The following GRID2 variants were observed in gnomAD, a reference collection of about 807,000 sequenced individuals.
The protein encoded by GRID2 is glutamate ionotropic receptor delta type subunit 2, also known as glutamate receptor ionotropic, delta-2.
GRID2 carries 33 observed loss-of-function variants against 114.8 expected under a neutral mutation model. The ratio of observed to expected loss-of-function variants is 0.29; its 90% CI spans 0.22 to 0.38. The LOEUF (loss-of-function observed/expected upper bound fraction) is 0.38, where lower values mean the gene tolerates loss of function less well. Ranked by LOEUF, GRID2 falls within the 10% of genes least tolerant of loss-of-function variation. The pLI, the probability that GRID2 is intolerant of heterozygous loss-of-function variation, is 1.00. For synonymous variants in GRID2, 505 were observed against 449.9 expected (o/e 1.12, Z -1.55); for missense variants, 1,184 against 1,257.7 (o/e 0.94, Z 0.89).
chr4:92,888,306 T>G (rs72665206), intron 2 of GRID2, among the ~76,000 whole-genome samples: 3 of 152,088 alleles, frequency 2.0e-5, no homozygotes, highest in Non-Finnish European at 2.9e-5. Context: ...AAGAGGTTTT[T>G]GGGGGGTAGT....
rs780930579 is a variant in GRID2 at position 92,687,673 on chromosome 4, C to CA, written c.244+97393dup. On this transcript the variant is annotated intron_variant, in intron 2 of 15. Coordinates refer to ENST00000282020, the MANE Select transcript of GRID2 (RefSeq NM_001510.4). Reference sequence around the variant, plus strand: ...TGAAACCCCATCTCTACTAAAAATACAAAAAATTAGCTGGGCGTTGTGGCC... The same window carrying CA: ...TGAAACCCCATCTCTACTAAAAATACAAAAAAATTAGCTGGGCGTTGTGGCC... Among the ~76,000 whole-genome samples, 114 of 151,962 alleles carry CA rather than the reference C, an allele frequency of 7.5e-4. 1 individual carries two copies. Among genetic ancestry groups the CA allele is most frequent in the Admixed American group, 1.3e-3 (20 of 15,250 alleles).
chr4:93,173,619 T>C (rs1579192125), intron 4 of GRID2, among the ~76,000 whole-genome samples: 1 of 152,256 alleles, frequency 6.6e-6, no homozygotes, highest in Admixed American at 6.5e-5. Flanking sequence ...CATAAAATTG[T>C]CCTTGTTAGT....
intron 2 of GRID2, among the ~76,000 whole-genome samples, chr4:93,067,285 T>A (rs1288741456): frequency 6.6e-6 from 1 of 152,058 alleles, no homozygotes; most frequent in Non-Finnish European, 1.5e-5. Context: ...CCTTATCATC[T>A]TAGTTAATTC....
intron 10 of GRID2, 22 bp from the exon 11 acceptor site, chr4:93,455,640 C>A (rs373188556): frequency 6.5e-7 from 1 of 1,547,504 alleles, no homozygotes; most frequent in Non-Finnish European, 8.9e-7. Flanking sequence ...TTAATGTATT[C>A]CTTTCTCTTT....
Position 93,588,862 on chromosome 4 carries a change from G to C in GRID2, c.2194-37407G>C, listed in dbSNP as rs1300332342. 5.3e-5 allele frequency among the ~76,000 whole-genome samples: 8 copies of C among 152,158 alleles called. No homozygotes were observed. The East Asian group carries it at 1.4e-3, about 26-fold the overall frequency. ...CAGAACATTTGACAACACTGGACCT[G>C]CTTTCCAGCTATACAACAAGCAGCA... On this transcript the variant is annotated intron_variant, in intron 13 of 15. Transcript: ENST00000282020.
At chr4:92,427,023 T>G (rs1732194235) in intron 1 of GRID2, among the ~76,000 whole-genome samples, 1 of 152,136 alleles carries the variant, frequency 6.6e-6, no homozygotes, top group South Asian at 2.1e-4. Context: ...CCCTTCAATC[T>G]CACCTACTAG....
intron 2 of GRID2, among the ~76,000 whole-genome samples, chr4:92,783,460 A>C (rs2149359915): frequency 6.6e-6 from 1 of 152,256 alleles, no homozygotes; most frequent in East Asian, 1.9e-4. Flanking sequence ...AAATCCAATT[A>C]GTAAAAGTGT....
intron 1 of GRID2, among the ~76,000 whole-genome samples, chr4:92,439,002 A>G (rs1207885025): frequency 6.6e-6 from 1 of 152,214 alleles, no homozygotes. Context: ...TGTGTGAGCA[A>G]CATGGCTGTT....
intron 2 of GRID2, among the ~76,000 whole-genome samples, chr4:92,749,853 TATTGATTGATTGATTG>T: frequency 6.6e-6 from 1 of 151,942 alleles, no homozygotes; most frequent in East Asian, 2.0e-4. Flanking sequence ...CCTCACATTT[TATTGATTGATTGATTG>T]ATTGATTGAT....
At chr4:92,339,822 C>T (rs185651038) in intron 1 of GRID2, among the ~76,000 whole-genome samples, 23 of 152,282 alleles carry the variant, frequency 1.5e-4, no homozygotes, top group African/African-American at 4.6e-4. Flanking sequence ...AGAGGTTTCC[C>T]TTGCCAAGTT....
chr4:92,755,757 C>A (rs1295545307), intron 2 of GRID2, among the ~76,000 whole-genome samples: 1 of 152,146 alleles, frequency 6.6e-6, no homozygotes, highest in Non-Finnish European at 1.5e-5. Context: ...GTATAGGAAT[C>A]TTGCATTTAA....
chr4:92,687,891 A>T (rs996886453), intron 2 of GRID2, among the ~76,000 whole-genome samples: 1 of 151,990 alleles, frequency 6.6e-6, no homozygotes, highest in African/African-American at 2.4e-5. Context: ...AGTAAGTCAG[A>T]ATCTTTTTGC....
In GRID2 at chr4:92,530,869, TG is replaced by T. The variant is rs375605230; in HGVS notation, c.89-59261del. 6.5e-4 allele frequency among the ~76,000 whole-genome samples: 99 copies of T among 151,924 alleles called. No individual in the cohort carries two copies. The East Asian group carries it at 0.018, about 27-fold the overall frequency. On this transcript the variant is annotated intron_variant, in intron 1 of 15. Transcript: ENST00000282020. ...TTTCAGTGAGCTGAGATCATGCCAC[TG>T]CACTCCAAGCTGAGTGACAGAGTGA...
At chr4:93,593,309 T>C (rs1738616893) in intron 13 of GRID2, among the ~76,000 whole-genome samples, 2 of 142,446 alleles carry the variant, frequency 1.4e-5, no homozygotes, top group African/African-American at 5.2e-5. Flanking sequence ...CTCCTTCACT[T>C]ATGAAGCTTA....
chr4:93,766,468 C>G (rs1202785584), intron 14 of GRID2, among the ~76,000 whole-genome samples: 2 of 152,170 alleles, frequency 1.3e-5, no homozygotes, highest in Non-Finnish European at 2.9e-5. Flanking sequence ...TTATCTCCAC[C>G]TGTCCTGCAC....
In GRID2 at chr4:92,749,024, T is replaced by C. The variant is rs569444007; in HGVS notation, c.244+158738T>C. Among the ~76,000 whole-genome samples, 52 of 149,216 alleles carry C rather than the reference T, an allele frequency of 3.5e-4. 1 individual carries two copies. In the South Asian group the frequency reaches 0.01, roughly 29 times the overall value. The stretch of plus-strand genomic sequence containing the variant: ...TTTATTTATTTTTGGAGGCGGAGTC[T>C]TGCTCTGTCACCAGGCTGGAGTGCA... On this transcript the variant is annotated intron_variant, in intron 2 of 15. Transcript: ENST00000282020.
intron 2 of GRID2, among the ~76,000 whole-genome samples, chr4:92,600,070 A>G (rs1238621242): frequency 0.016 from 2,200 of 133,540 alleles, 151 homozygotes; most frequent in African/African-American, 0.055. Context: ...ATATATATAT[A>G]TATATATATA....
intron 14 of GRID2, among the ~76,000 whole-genome samples, chr4:93,670,379 G>A (rs1021570935): frequency 2.1e-4 from 32 of 152,150 alleles, no homozygotes; most frequent in African/African-American, 6.3e-4. Flanking sequence ...AGAAGCAAAA[G>A]TCATATTTTT....
chr4:93,037,845 G>T (rs2149264839), intron 2 of GRID2, among the ~76,000 whole-genome samples: 1 of 152,232 alleles, frequency 6.6e-6, no homozygotes, highest in East Asian at 1.9e-4. Flanking sequence ...CTGTAGCCTT[G>T]TAGTATAGTT....
Sources: allele counts gnomAD v4.1 joint callset (sites outside exome capture counted in the v4.1 genomes callset), GRCh38; gene constraint gnomAD v4.1.1; transcripts MANE v1.5; gene names NCBI Gene and HGNC (gene_info 2026-07-23, HGNC 2026-07-21).